SLC4A7: variants seen among roughly 807,000 people sequenced by gnomAD.
SLC4A7 encodes solute carrier family 4 member 7, also known as sodium bicarbonate cotransporter 3.
A neutral mutation model predicts 137.6 loss-of-function variants in SLC4A7; 51 were observed. That is an observed-to-expected ratio of 0.37 (90% CI 0.30 to 0.47). The LOEUF is 0.47. Among genes scored for constraint, SLC4A7 ranks in the 20% least tolerant of loss-of-function variants. The probability of loss-of-function intolerance (pLI) is 1.00; values close to 1 mark genes in which losing one functional copy is unlikely to be tolerated. For missense variants in SLC4A7, 1,247 were observed against 1,525.4 expected, an observed-to-expected ratio of 0.82 and a Z score of 3.04; for synonymous variants, 542 against 518.6, an observed-to-expected ratio of 1.05 and a Z score of -0.61.
chr3:27,483,855 G>A (rs1014478730), intron 1 of SLC4A7, among the ~76,000 whole-genome samples: 3 of 151,166 alleles, frequency 2.0e-5, no homozygotes, highest in African/African-American at 4.8e-5. Flanking sequence ...CCCGACTCGG[G>A]CCTCCCGAGC....
intron 13 of SLC4A7, among the ~76,000 whole-genome samples, chr3:27,406,838 G>C (rs1441272259): frequency 6.6e-6 from 1 of 151,920 alleles, no homozygotes; most frequent in Non-Finnish European, 1.5e-5. Context: ...AGGTTATGAG[G>C]GAAGTCCAGT....
chr3:27,393,088 G>A (rs991667858), intron 20 of SLC4A7, among the ~76,000 whole-genome samples: 2 of 152,014 alleles, frequency 1.3e-5, no homozygotes, highest in Non-Finnish European at 2.9e-5. Context: ...GACAATAGAC[G>A]AAAAGGGAAG....
chr3:27,394,542 AGAGAGGCC>A lies in SLC4A7; in HGVS notation c.3085_3092del (p.Gly1029CysfsTer34). 1 of 1,614,106 alleles carries A rather than the reference AGAGAGGCC, an allele frequency of 6.2e-7. No homozygotes were observed. The highest frequency in any genetic ancestry group is 8.5e-7 in the Non-Finnish European group (1 of 1,179,930). ...CCTTTAGGACTGAAGTCATGAACAC[AGAGAGGCC>A]CATTAGAATAAAAATCATTAGCCCT... On this transcript the variant is annotated frameshift_variant, in exon 20 of 26. Transcript: ENST00000454389. LOFTEE classifies it high-confidence loss of function.
At chr3:27,404,163 T>C (rs890941418) in intron 14 of SLC4A7, among the ~76,000 whole-genome samples, 1 of 152,140 alleles carries the variant, frequency 6.6e-6, no homozygotes, top group South Asian at 2.1e-4. Flanking sequence ...TTGAGGTCAG[T>C]TCGAGACCAG....
At position 27,413,091 on chromosome 3, in the gene SLC4A7, G is replaced by T. The variant is rs527946485; in HGVS notation, c.1660-1343C>A. The stretch of plus-strand genomic sequence containing the variant: ...TCAGCTAATAACAAAACAAAAAAAG[G>T]AAAGAGGCAATAATTTCATAGTGAG... On this transcript the variant is annotated intron_variant, in intron 11 of 25. Transcript: ENST00000454389. Among the ~76,000 whole-genome samples, 4 of 152,074 alleles carry T rather than the reference G, an allele frequency of 2.6e-5. No homozygotes were observed. In the South Asian group the frequency reaches 8.3e-4, roughly 32 times the overall value.
At position 27,403,396 on chromosome 3, in the gene SLC4A7, G is replaced by A. The variant is rs1485738016; in HGVS notation, c.2076-12C>T. The A allele has an allele frequency of 2.6e-6, 4 of 1,544,038 alleles. No homozygotes were observed. In the African/African-American group the frequency reaches 4.2e-5, roughly 16 times the overall value. ...AAAGTTGATAATCTCTGTTTAGAAA[G>A]AAAAATATGAATATGATAAACATAT... On this transcript the variant is annotated splice_polypyrimidine_tract_variant and intron_variant, in intron 14 of 25. Coordinates refer to ENST00000454389, the MANE Select transcript of SLC4A7 (RefSeq NM_001321103.2).
In SLC4A7 at chr3:27,484,131, G is replaced by A. The variant is rs926610004; in HGVS notation, c.-5C>T. ...GCCGGCCCCATCAGCCTCCATGGCC[G>A]GCCGGCCAGCCCGTGACGGCCGCTA... On this transcript the variant is annotated 5_prime_UTR_variant, in exon 1 of 26. Coordinates refer to ENST00000454389, the MANE Select transcript of SLC4A7 (RefSeq NM_001321103.2). 4 of 1,376,018 alleles carry A rather than the reference G, an allele frequency of 2.9e-6. No homozygotes were observed. The highest frequency in any genetic ancestry group is 2.8e-6 in the Non-Finnish European group (3 of 1,060,560). 85.2% of individuals were successfully genotyped at this position (1,376,018 alleles called of 1,614,324 possible).
At chr3:27,420,094 C>A (rs1328241425) in intron 10 of SLC4A7, among the ~76,000 whole-genome samples, 1 of 151,002 alleles carries the variant, frequency 6.6e-6, no homozygotes, top group Admixed American at 6.6e-5. Context: ...GAGGCTGAGG[C>A]AGGAGAATTG....
At chr3:27,470,748 C>G (rs1384004881) in intron 1 of SLC4A7, among the ~76,000 whole-genome samples, 2 of 151,800 alleles carry the variant, frequency 1.3e-5, no homozygotes, top group African/African-American at 4.8e-5. Flanking sequence ...TGAGACCATC[C>G]TGGCTAACAC....
rs760290162 is a variant in SLC4A7 at position 27,400,837 on chromosome 3, T to C, written c.2354A>G (p.Asn785Ser). Residue 785 changes from asparagine to serine, a missense_variant, in exon 16 of 26, where the codon AAT becomes AGT. Asn to Ser is a conservative substitution (Grantham distance 46). This residue lies in a region of SLC4A7 where 499 missense variants were observed against 664.2 expected (regional missense o/e 0.75). Coordinates refer to ENST00000454389, the MANE Select transcript of SLC4A7 (RefSeq NM_001321103.2). Reference protein sequence around the residue: ...CVCTEPPNPSNETLAQWKKDN... With the variant: ...CVCTEPPNPSSETLAQWKKDN... ...TTTCTTCCATTGTGCTAGAGTTTCATTGCTGGGGTTTGGAGGTTCAGTACA... is the reference window on the plus strand; with the variant it reads ...TTTCTTCCATTGTGCTAGAGTTTCACTGCTGGGGTTTGGAGGTTCAGTACA... 5.0e-6 allele frequency: 8 copies of C among 1,606,944 alleles called. No individual in the cohort carries two copies. The South Asian group carries it at 5.5e-5, about 11-fold the overall frequency.
chr3:27,457,577 G>A (rs2058476188), intron 1 of SLC4A7, among the ~76,000 whole-genome samples: 1 of 152,078 alleles, frequency 6.6e-6, no homozygotes, highest in Admixed American at 6.5e-5. Context: ...TTTCTTAATA[G>A]TTGCAACGTA....
chr3:27,473,780 C>G (rs7644466), intron 1 of SLC4A7, among the ~76,000 whole-genome samples: 32,766 of 149,910 alleles, frequency 0.22, 3,694 homozygotes, highest in Non-Finnish European at 0.25. Context: ...TAGTTATTCT[C>G]GAAATTTGTG....
intron 5 of SLC4A7, among the ~76,000 whole-genome samples, chr3:27,435,282 T>G (rs548353371): frequency 3.3e-5 from 5 of 152,324 alleles, no homozygotes; most frequent in African/African-American, 1.2e-4. Flanking sequence ...GACAAAAAGC[T>G]GATTACAGCT....
intron 23 of SLC4A7, among the ~76,000 whole-genome samples, chr3:27,385,638 T>C (rs2050861754): frequency 6.6e-6 from 1 of 152,172 alleles, no homozygotes; most frequent in Non-Finnish European, 1.5e-5. Flanking sequence ...TGAAAAGTAT[T>C]ACTGTGTCAG....
chr3:27,444,431 G>A (rs776451729), intron 3 of SLC4A7, among the ~76,000 whole-genome samples: 7 of 151,978 alleles, frequency 4.6e-5, no homozygotes, highest in East Asian at 3.9e-4. Context: ...CTGGGATTCC[G>A]CTCATACATA....
intron 1 of SLC4A7, among the ~76,000 whole-genome samples, chr3:27,455,552 C>A (rs182534228): frequency 1.3e-5 from 2 of 150,202 alleles, no homozygotes; most frequent in Admixed American, 6.7e-5. Flanking sequence ...TGTTTTCATG[C>A]GTAACTTGCA....
At chr3:27,481,328 C>G (rs1559863122) in intron 1 of SLC4A7, among the ~76,000 whole-genome samples, 1 of 152,208 alleles carries the variant, frequency 6.6e-6, no homozygotes, top group Non-Finnish European at 1.5e-5. Flanking sequence ...GGAGCAGAAG[C>G]AACCATAGAG....
intron 13 of SLC4A7, 116 bp downstream of exon 13, chr3:27,409,240 G>T: frequency 1.3e-6 from 1 of 776,454 alleles, no homozygotes; most frequent in Non-Finnish European, 2.0e-6. Flanking sequence ...TTTGGGTCAC[G>T]TTAATCATGC....
At chr3:27,470,338 T>G (rs2059186017) in intron 1 of SLC4A7, among the ~76,000 whole-genome samples, 2 of 152,062 alleles carry the variant, frequency 1.3e-5, no homozygotes, top group Admixed American at 1.3e-4. Flanking sequence ...CTCAATTTAT[T>G]AATATACATG....
Sources: allele counts gnomAD v4.1 joint callset (sites outside exome capture counted in the v4.1 genomes callset), GRCh38; gene constraint gnomAD v4.1.1; regional missense constraint gnomAD v4.1.1; transcripts MANE v1.5; gene names NCBI Gene and HGNC (gene_info 2026-07-23, HGNC 2026-07-21).